ULK4: variants seen among roughly 807,000 people sequenced by gnomAD.
The protein encoded by ULK4 is inactive serine/threonine-protein kinase ULK4.
ULK4 carries 133 observed loss-of-function variants against 160.6 expected under a neutral mutation model. That is an observed-to-expected ratio of 0.83 (90% CI 0.72 to 0.96). The LOEUF is 0.96. ULK4 is among the 40% of genes least tolerant of loss of function. The probability of loss-of-function intolerance (pLI) is 0.00; values close to 1 mark genes in which losing one functional copy is unlikely to be tolerated. For missense variants in ULK4, 1,580 were observed against 1,499.5 expected (o/e 1.05, Z -0.89); for synonymous variants, 534 against 539.8 (o/e 0.99, Z 0.15).
At chr3:41,309,118 TATTG>T (rs935553758) in intron 35 of ULK4, among the ~76,000 whole-genome samples, 46 of 152,198 alleles carry the variant, frequency 3.0e-4, no homozygotes, top group African/African-American at 9.9e-4. Flanking sequence ...ACATGAAAGT[TATTG>T]ATTAATAACT....
intron 35 of ULK4, among the ~76,000 whole-genome samples, chr3:41,365,934 G>T (rs2081244928): frequency 6.6e-6 from 1 of 152,102 alleles, no homozygotes; most frequent in African/African-American, 2.4e-5. Flanking sequence ...ACTCCAGATT[G>T]CAAAGTTAAT....
At chr3:41,650,318 T>C (rs1171531295) in intron 30 of ULK4, among the ~76,000 whole-genome samples, 9 of 152,154 alleles carry the variant, frequency 5.9e-5, no homozygotes, top group African/African-American at 2.2e-4. Context: ...CTGCTCGCCA[T>C]GTTGCAAGAG....
At chr3:41,447,750 C>T (rs2083334492) in intron 34 of ULK4, among the ~76,000 whole-genome samples, 1 of 152,092 alleles carries the variant, frequency 6.6e-6, no homozygotes, top group South Asian at 2.1e-4. Context: ...ATACATGGGT[C>T]CCTGGTTAAT....
At chr3:41,688,713 T>C (rs2036182652) in intron 27 of ULK4, among the ~76,000 whole-genome samples, 1 of 152,194 alleles carries the variant, frequency 6.6e-6, no homozygotes, top group South Asian at 2.1e-4. Flanking sequence ...TTAAGCAATT[T>C]AGTGTCCTTT....
intron 16 of ULK4, among the ~76,000 whole-genome samples, chr3:41,888,091 A>AT (rs1012977564): frequency 2.6e-5 from 4 of 151,552 alleles, no homozygotes; most frequent in Admixed American, 2.0e-4. Flanking sequence ...GTGAGACCCT[A>AT]TTTTTTTTAG....
At chr3:41,414,380 T>C (rs1212597201) in intron 34 of ULK4, among the ~76,000 whole-genome samples, 3 of 152,206 alleles carry the variant, frequency 2.0e-5, no homozygotes, top group African/African-American at 7.2e-5. Context: ...TAAACTTACA[T>C]TTGAATTTTA....
At chr3:41,953,125 T>C (rs1007571838) in intron 2 of ULK4, among the ~76,000 whole-genome samples, 2 of 151,918 alleles carry the variant, frequency 1.3e-5, no homozygotes, top group African/African-American at 4.8e-5. Context: ...ATGGAGGTGA[T>C]AGCTGCACAG....
chr3:41,750,954 T>A (rs2125893239), intron 22 of ULK4, among the ~76,000 whole-genome samples: 1 of 128,472 alleles, frequency 7.8e-6, no homozygotes, highest in Admixed American at 8.1e-5. Context: ...TAAGTGAGAC[T>A]CCACCTCAAA....
At chr3:41,406,195 G>C (rs1397740312) in intron 34 of ULK4, among the ~76,000 whole-genome samples, 2 of 152,162 alleles carry the variant, frequency 1.3e-5, no homozygotes, top group Admixed American at 1.3e-4. Flanking sequence ...TGGCTAGCCA[G>C]CTATTCCAGC....
At chr3:41,891,636 G>A (rs542744413) in intron 16 of ULK4, among the ~76,000 whole-genome samples, 5 of 152,334 alleles carry the variant, frequency 3.3e-5, no homozygotes, top group East Asian at 3.9e-4. Flanking sequence ...GCCAGGCGCG[G>A]TGGCTCATGC....
intron 2 of ULK4, among the ~76,000 whole-genome samples, chr3:41,942,775 C>T (rs1239400883): frequency 1.3e-5 from 2 of 152,152 alleles, no homozygotes; most frequent in African/African-American, 2.4e-5. Context: ...AAGATGGTGC[C>T]ATTGCACTCC....
At chr3:41,302,705 G>A (rs916396955) in intron 35 of ULK4, among the ~76,000 whole-genome samples, 2 of 152,142 alleles carry the variant, frequency 1.3e-5, no homozygotes, top group Non-Finnish European at 2.9e-5. Context: ...TATTTTAAGT[G>A]AACAGACAAA....
At chr3:41,917,704 G>A (rs1441796103) in intron 7 of ULK4, among the ~76,000 whole-genome samples, 6 of 151,976 alleles carry the variant, frequency 3.9e-5, no homozygotes, top group African/African-American at 1.4e-4. Context: ...TTTTTAGGCC[G>A]GGCGCAGTGG....
At position 41,614,821 on chromosome 3, in the gene ULK4, A is replaced by G. The variant is rs181501965; in HGVS notation, c.3120+848T>C. On this transcript the variant is annotated intron_variant, in intron 31 of 36. Coordinates refer to ENST00000301831, the MANE Select transcript of ULK4 (RefSeq NM_017886.4). ...GATGATTAAGGAAAGTTGATTTCCC[A>G]TGTGTAGGGTTATCAGACTATCACA... is the stretch of plus-strand genomic sequence containing the variant. Among the ~76,000 whole-genome samples, 3 of 152,364 alleles carry G rather than the reference A, an allele frequency of 2.0e-5. No individual in the cohort carries two copies. The East Asian group carries it at 5.8e-4, about 29-fold the overall frequency.
At chr3:41,928,654 A>G (rs1559656266) in intron 5 of ULK4, among the ~76,000 whole-genome samples, 1 of 152,056 alleles carries the variant, frequency 6.6e-6, no homozygotes, top group Admixed American at 6.5e-5. Flanking sequence ...GATAAAGGAG[A>G]TATTACCACT....
intron 35 of ULK4, among the ~76,000 whole-genome samples, chr3:41,288,383 C>A (rs1317102502): frequency 6.6e-6 from 1 of 152,160 alleles, no homozygotes; most frequent in Non-Finnish European, 1.5e-5. Flanking sequence ...AAGGCACTAA[C>A]CCTAATCTGG....
At position 41,896,936 on chromosome 3, in the gene ULK4, G is replaced by T; in HGVS notation, c.1416C>A (p.Ile472=). ...NDFLQQVCSQ[I]DSTEKSMGAS... ...CCCCCATGCTCTTCTCAGTGGAGTCGATCTGCGAGCACACTTGTTGCAAAA... is the reference window on the plus strand; with the variant it reads ...CCCCCATGCTCTTCTCAGTGGAGTCTATCTGCGAGCACACTTGTTGCAAAA... Residue 472 remains isoleucine, a synonymous_variant, in exon 15 of 37, where the codon ATC becomes ATA. Transcript: ENST00000301831. 1 of 1,613,378 alleles carries T rather than the reference G, an allele frequency of 6.2e-7. No individual in the cohort carries two copies. Among genetic ancestry groups the T allele is most frequent in the South Asian group, 1.1e-5 (1 of 91,060 alleles).
At position 41,917,465 on chromosome 3, in the gene ULK4, AAT is replaced by A. The variant is rs147298241; in HGVS notation, c.727+990_727+991del. The stretch of plus-strand genomic sequence containing the variant: ...CAGCACAGCAGAACCCTGTCTCTCA[AAT>A]ATATATATATGTATATATAGCAATA... On this transcript the variant is annotated intron_variant, in intron 7 of 36. Coordinates refer to ENST00000301831, the MANE Select transcript of ULK4 (RefSeq NM_017886.4). Among the ~76,000 whole-genome samples, 12 of 151,926 alleles carry A rather than the reference AAT, an allele frequency of 7.9e-5. No individual in the cohort carries two copies. In the East Asian group the frequency reaches 1.2e-3, roughly 15 times the overall value.
intron 35 of ULK4, among the ~76,000 whole-genome samples, chr3:41,265,448 AATGAAACATTAGGGG>A (rs2079014389): frequency 6.6e-6 from 1 of 152,200 alleles, no homozygotes; most frequent in Non-Finnish European, 1.5e-5. Flanking sequence ...GTGGCTCTCT[AATGAAACATTAGGGG>A]CCGCCAAAAT....
Sources: gnomAD v4.1 joint callset for allele counts (sites outside exome capture counted in the v4.1 genomes callset) on GRCh38, gnomAD v4.1.1 for gene constraint, MANE v1.5 for transcripts, NCBI Gene and HGNC (gene_info 2026-07-23, HGNC 2026-07-21) for gene names.